The following COL11A1 variants were observed in gnomAD, a reference collection of about 807,000 sequenced individuals.
COL11A1 encodes the protein collagen alpha-1(XI) chain.
A neutral mutation model predicts 265.2 loss-of-function variants in COL11A1; 74 were observed. The ratio of observed to expected loss-of-function variants is 0.28; its 90% CI spans 0.23 to 0.34. COL11A1 has a LOEUF of 0.34. Among genes scored for constraint, COL11A1 ranks in the 10% least tolerant of loss-of-function variants. The probability of loss-of-function intolerance (pLI) is 1.00; values close to 1 mark genes in which losing one functional copy is unlikely to be tolerated. For missense variants in COL11A1, 2,165 were observed against 2,263.6 expected, an observed-to-expected ratio of 0.96 and a Z score of 0.88; for synonymous variants, 816 against 727.6, an observed-to-expected ratio of 1.12 and a Z score of -1.96.
intron 55 of COL11A1, 29 bp from the exon 56 acceptor site, chr1:102,898,802 T>A: frequency 1.3e-6 from 2 of 1,584,162 alleles, no homozygotes; most frequent in Non-Finnish European, 1.7e-6. Flanking sequence ...TGGGAGCACA[T>A]TAGTGATGAG....
At chr1:103,021,045 C>T (rs1028054453) in intron 9 of COL11A1, among the ~76,000 whole-genome samples, 2 of 148,444 alleles carry the variant, frequency 1.3e-5, no homozygotes, top group Admixed American at 6.7e-5. Context: ...TATGTCCTTA[C>T]AATTTCTGAA....
chr1:103,058,314 C>T (rs1401178364), intron 4 of COL11A1, among the ~76,000 whole-genome samples: 1 of 152,196 alleles, frequency 6.6e-6, no homozygotes, highest in South Asian at 2.1e-4. Context: ...TAAGCTGCGG[C>T]ATAAGAGAAT....
intron 4 of COL11A1, among the ~76,000 whole-genome samples, chr1:103,045,618 T>A (rs532490940): frequency 1.1e-4 from 16 of 152,246 alleles, no homozygotes; most frequent in East Asian, 1.9e-4. Context: ...ATTCTTTTTT[T>A]AATTTTATTA....
chr1:103,017,129 A>T (rs1186722548), intron 11 of COL11A1, among the ~76,000 whole-genome samples: 3 of 152,088 alleles, frequency 2.0e-5, no homozygotes, highest in African/African-American at 7.2e-5. Context: ...TTAAATAAAA[A>T]GTTTCATAAT....
chr1:103,064,129 G>C (rs1010098049), intron 4 of COL11A1, among the ~76,000 whole-genome samples: 7 of 151,954 alleles, frequency 4.6e-5, no homozygotes. Flanking sequence ...AATCCAAAAG[G>C]GTTTATTTAG....
At chr1:103,028,282 C>A (rs1213126975) in intron 5 of COL11A1, among the ~76,000 whole-genome samples, 2 of 152,146 alleles carry the variant, frequency 1.3e-5, no homozygotes, top group African/African-American at 4.8e-5. Flanking sequence ...GATCCGCCCG[C>A]TTCGGCCTCC....
intron 4 of COL11A1, 50 bp downstream of exon 4, chr1:103,074,568 C>A (rs1671826404): frequency 6.3e-7 from 1 of 1,596,120 alleles, no homozygotes; most frequent in Non-Finnish European, 8.6e-7. Flanking sequence ...GTTGTTAACC[C>A]AGTTCATCTG....
At chr1:102,923,227 A>G in intron 47 of COL11A1, 109 bp downstream of exon 47, 1 of 909,578 alleles carries the variant, frequency 1.1e-6, no homozygotes, top group Non-Finnish European at 1.7e-6. Context: ...TTGCTTATAT[A>G]CACCTCAATA....
At chr1:102,923,056 T>G (rs1440994167) in intron 47 of COL11A1, among the ~76,000 whole-genome samples, 1 of 152,206 alleles carries the variant, frequency 6.6e-6, no homozygotes, top group Non-Finnish European at 1.5e-5. Context: ...GCATTCTAAT[T>G]AAGACAGAAT....
chr1:102,936,810 C>T (rs1012504978), intron 44 of COL11A1, among the ~76,000 whole-genome samples: 2 of 152,018 alleles, frequency 1.3e-5, no homozygotes, highest in East Asian at 3.9e-4. Context: ...TTCTGTTGTG[C>T]AATTGACCCT....
At chr1:102,991,866 C>T (rs968941555) in intron 28 of COL11A1, among the ~76,000 whole-genome samples, 6 of 150,556 alleles carry the variant, frequency 4.0e-5, no homozygotes, top group Non-Finnish European at 8.9e-5. Flanking sequence ...GAAAGTCATG[C>T]CATTTTCACC....
rs561964538 is a variant in COL11A1 at position 102,932,539 on chromosome 1, T to A, written c.3600+1910A>T. Reference sequence around the variant, plus strand: ...TGCCCTTAACATTTTTTCCTTCATTTCAACTTTGGTGAATCTGACAATTAT... The same window carrying A: ...TGCCCTTAACATTTTTTCCTTCATTACAACTTTGGTGAATCTGACAATTAT... On this transcript the variant is annotated intron_variant, in intron 46 of 66. Transcript: ENST00000370096. 5.3e-3 allele frequency among the ~76,000 whole-genome samples: 810 copies of A among 152,286 alleles called. 5 individuals carry two copies. The highest frequency in any genetic ancestry group is 8.6e-3 in the Admixed American group (132 of 15,302).
At chr1:102,900,509 G>A (rs1355871533) in intron 54 of COL11A1, among the ~76,000 whole-genome samples, 1 of 152,012 alleles carries the variant, frequency 6.6e-6, no homozygotes, top group Non-Finnish European at 1.5e-5. Context: ...CTTATTCAAT[G>A]ACAGTTTTTC....
intron 57 of COL11A1, among the ~76,000 whole-genome samples, chr1:102,895,515 G>A (rs1652308105): frequency 2.0e-5 from 3 of 152,072 alleles, no homozygotes; most frequent in South Asian, 4.1e-4. Flanking sequence ...CCAATGATAA[G>A]CAAATTGAAG....
At chr1:103,000,833 G>A (rs1375484610) in intron 24 of COL11A1, among the ~76,000 whole-genome samples, 1 of 151,840 alleles carries the variant, frequency 6.6e-6, no homozygotes, top group Non-Finnish European at 1.5e-5. Context: ...GGAGAATAGC[G>A]AAAAAGTATA....
intron 4 of COL11A1, among the ~76,000 whole-genome samples, chr1:103,033,671 C>T (rs1668150497): frequency 6.6e-6 from 1 of 152,056 alleles, no homozygotes; most frequent in African/African-American, 2.4e-5. Context: ...TTTACCTTTC[C>T]CAGATAACTG....
At chr1:102,982,785 G>A (rs1297725065) in intron 31 of COL11A1, among the ~76,000 whole-genome samples, 1 of 152,054 alleles carries the variant, frequency 6.6e-6, no homozygotes, top group African/African-American at 2.4e-5. Flanking sequence ...ACGTGGCAAT[G>A]AGGGAACACA....
At chr1:103,008,697 A>G (rs1665858020) in intron 14 of COL11A1, among the ~76,000 whole-genome samples, 181 bp from the exon 15 acceptor site, 1 of 152,220 alleles carries the variant, frequency 6.6e-6, no homozygotes, top group Non-Finnish European at 1.5e-5. Flanking sequence ...TCTCTTCTCA[A>G]TGTTGATTAC....
At chr1:102,902,097 G>T (rs1289158952) in intron 54 of COL11A1, among the ~76,000 whole-genome samples, 1 of 152,140 alleles carries the variant, frequency 6.6e-6, no homozygotes, top group Non-Finnish European at 1.5e-5. Context: ...ATGAGAGAGG[G>T]ATGGCTTCTT....
Sources: gnomAD v4.1 joint callset for allele counts (sites outside exome capture counted in the v4.1 genomes callset) on GRCh38, gnomAD v4.1.1 for gene constraint, MANE v1.5 for transcripts, NCBI Gene and HGNC (gene_info 2026-07-23, HGNC 2026-07-21) for gene names.